ANKRD10: variants seen among roughly 807,000 people sequenced by gnomAD.
ANKRD10 encodes the protein ankyrin repeat domain-containing protein 10.
Under a neutral mutation model 27.0 loss-of-function variants are expected in ANKRD10, and 14 were observed. The observed-to-expected ratio is 0.52, with a 90% CI of 0.34 to 0.81. The LOEUF (loss-of-function observed/expected upper bound fraction) is 0.81. Among genes scored for constraint, ANKRD10 ranks in the 40% least tolerant of loss-of-function variants. ANKRD10 has a pLI of 0.01. For synonymous variants in ANKRD10, 250 were observed against 224.5 expected (o/e 1.11, Z -1.01); for missense variants, 493 against 544.0 (o/e 0.91, Z 0.93).
At position 110,910,696 on chromosome 13, in the gene ANKRD10, T is replaced by C; in HGVS notation, c.285A>G (p.Pro95=). 1.2e-6 allele frequency: 2 copies of C among 1,614,176 alleles called. No homozygotes were observed. Among genetic ancestry groups the C allele is most frequent in the Non-Finnish European group, 1.7e-6 (2 of 1,180,032 alleles). Residue 95 remains proline (P), a synonymous_variant, in exon 2 of 6, where the codon CCA becomes CCG. Transcript: ENST00000267339. Reference sequence around the variant, plus strand: ...GTCCCCCAAAGGCTGCAATGTGGGCTGGCGTCTGCGCGTACCGTGTGGTGG... The same window carrying C: ...GTCCCCCAAAGGCTGCAATGTGGGCCGGCGTCTGCGCGTACCGTGTGGTGG... The part of the protein sequence containing the change: ...NVSTTRYAQT[P]AHIAAFGGHP...
chr13:110,908,289 T>C (rs928929276), intron 2 of ANKRD10, among the ~76,000 whole-genome samples: 8 of 152,152 alleles, frequency 5.3e-5, no homozygotes, highest in Non-Finnish European at 1.2e-4. Context: ...AAGAGGCATA[T>C]GAAAGAGAAG....
Position 110,879,223 on chromosome 13 carries a change from GA to G in ANKRD10, c.*413del, listed in dbSNP as rs1301546227. The G allele has an allele frequency of 1.5e-5, 3 of 197,672 alleles. No individual in the cohort carries two copies. The highest frequency in any genetic ancestry group is 2.1e-4 in the South Asian group (2 of 9,638). 12.2% of individuals were successfully genotyped at this position (197,672 alleles called of 1,614,324 possible). ...TAGCTGTGTTCCGTCAAATTCTACAGAAAAGAGTGGAAGCAAGCTTTTTAAA... is the reference window on the plus strand; with the variant it reads ...TAGCTGTGTTCCGTCAAATTCTACAGAAAGAGTGGAAGCAAGCTTTTTAAA... On this transcript the variant is annotated 3_prime_UTR_variant, in exon 6 of 6. Coordinates refer to ENST00000267339, the MANE Select transcript of ANKRD10 (RefSeq NM_017664.4).
chr13:110,881,647 T>A (rs2064822258), intron 5 of ANKRD10, among the ~76,000 whole-genome samples: 1 of 152,248 alleles, frequency 6.6e-6, no homozygotes, highest in Non-Finnish European at 1.5e-5. Flanking sequence ...CAGGGGAAAT[T>A]CATATGAATT....
At chr13:110,914,682 T>G (rs762861918) in intron 1 of ANKRD10, 43 bp downstream of exon 1, 1 of 1,529,160 alleles carries the variant, frequency 6.5e-7, no homozygotes, top group East Asian at 2.5e-5. Context: ...CGACTCCCAC[T>G]GGACAGCCGG....
chr13:110,913,823 C>T (rs1043156304), intron 1 of ANKRD10, among the ~76,000 whole-genome samples: 4 of 152,200 alleles, frequency 2.6e-5, no homozygotes, highest in African/African-American at 9.7e-5. Context: ...CCAGTCACTT[C>T]TGAAATGCAC....
intron 4 of ANKRD10, among the ~76,000 whole-genome samples, chr13:110,892,087 GCTGA>G (rs992219094): frequency 2.0e-4 from 30 of 151,012 alleles, no homozygotes; most frequent in South Asian, 1.9e-3. Context: ...AGAGTGACTG[GCTGA>G]CTGCTTATTT....
intron 3 of ANKRD10, chr13:110,903,943 A>G (rs1358426340): frequency 6.6e-6 from 1 of 152,256 alleles, no homozygotes; most frequent in Non-Finnish European, 1.5e-5. Context: ...TACAGGGAAT[A>G]AAATAGACCT....
At chr13:110,886,296 A>C (rs779944690) in intron 4 of ANKRD10, among the ~76,000 whole-genome samples, 4 of 152,248 alleles carry the variant, frequency 2.6e-5, no homozygotes, top group Non-Finnish European at 5.9e-5. Flanking sequence ...CATTGAGTAG[A>C]TGCATCTTTT....
intron 3 of ANKRD10, chr13:110,894,093 A>G: frequency 6.4e-7 from 1 of 1,552,394 alleles, no homozygotes; most frequent in Non-Finnish European, 8.9e-7. Flanking sequence ...AAATAGAGTA[A>G]GTTGAACTTG....
At chr13:110,906,212 C>T (rs1324767199) in intron 2 of ANKRD10, 88 bp from the exon 3 acceptor site, 3 of 978,640 alleles carry the variant, frequency 3.1e-6, no homozygotes, top group African/African-American at 3.3e-5. Flanking sequence ...GATCAGAGAC[C>T]TTCTCATCCT....
intron 3 of ANKRD10, among the ~76,000 whole-genome samples, chr13:110,896,955 A>G (rs1435889516): frequency 2.0e-5 from 3 of 148,244 alleles, no homozygotes; most frequent in Non-Finnish European, 4.4e-5. Context: ...ATTATGGGGT[A>G]CATTGTAAAT....
intron 2 of ANKRD10, 141 bp downstream of exon 2, chr13:110,910,477 G>T (rs908266841): frequency 4.4e-6 from 5 of 1,126,342 alleles, no homozygotes; most frequent in Non-Finnish European, 5.1e-6. Flanking sequence ...ACAAACAACT[G>T]AAGAAACATA....
chr13:110,894,961 A>G (rs2065189200), intron 3 of ANKRD10: 1 of 152,210 alleles, frequency 6.6e-6, no homozygotes, highest in African/African-American at 2.4e-5. Context: ...ATATAGCTGG[A>G]CTTTTTTTTA....
chr13:110,899,422 A>C (rs1484927017), intron 3 of ANKRD10, among the ~76,000 whole-genome samples: 2 of 152,150 alleles, frequency 1.3e-5, no homozygotes, highest in Non-Finnish European at 2.9e-5. Context: ...TGAAAATAGG[A>C]CTGTGTTGTT....
intron 3 of ANKRD10, among the ~76,000 whole-genome samples, chr13:110,902,590 G>C (rs923185215): frequency 6.6e-6 from 1 of 152,098 alleles, no homozygotes; most frequent in African/African-American, 2.4e-5. Context: ...TAAGGCTATC[G>C]ATGCTTCTCA....
chr13:110,901,422 T>C (rs1430700520), intron 3 of ANKRD10, among the ~76,000 whole-genome samples: 1 of 152,228 alleles, frequency 6.6e-6, no homozygotes, highest in African/African-American at 2.4e-5. Context: ...ATCATTCCAG[T>C]AGTCTGATGA....
At chr13:110,914,442 T>TA (rs1267623790) in intron 1 of ANKRD10, 1 of 271,410 alleles carries the variant, frequency 3.7e-6, no homozygotes, top group African/African-American at 2.2e-5. Context: ...CCCGCCTTGT[T>TA]AGAAACTTGC....
rs2065670946 is a variant in ANKRD10, at chr13:110,910,685, G to A, written c.296C>T (p.Ala99Val). 6.2e-7 allele frequency: 1 copy of A among 1,614,194 alleles called. No homozygotes were observed. Among genetic ancestry groups the A allele is most frequent in the Non-Finnish European group, 8.5e-7 (1 of 1,180,046 alleles). ...TRYAQTPAHI[A>V]AFGGHPQCLV... The stretch of plus-strand genomic sequence containing the variant: ...GCACTGAGGATGTCCCCCAAAGGCT[G>A]CAATGTGGGCTGGCGTCTGCGCGTA... Residue 99 changes from alanine to valine, a missense_variant, in exon 2 of 6, where the codon GCA (alanine) becomes GTA (valine). By Grantham distance (64) the Ala-to-Val change is moderately conservative. Transcript: ENST00000267339.
chr13:110,908,531 T>C (rs919164253), intron 2 of ANKRD10, among the ~76,000 whole-genome samples: 6 of 152,074 alleles, frequency 3.9e-5, no homozygotes, highest in African/African-American at 9.7e-5. Flanking sequence ...AGACTAGAAA[T>C]TGGCTTAAAA....
Sources: allele counts gnomAD v4.1 joint callset (sites outside exome capture counted in the v4.1 genomes callset), GRCh38; gene constraint gnomAD v4.1.1; transcripts MANE v1.5; gene names NCBI Gene and HGNC (gene_info 2026-07-23, HGNC 2026-07-21).